ADAMTS9: variants seen among roughly 807,000 people sequenced by gnomAD.
ADAMTS9 encodes ADAM metallopeptidase with thrombospondin type 1 motif 9.
Under a neutral mutation model 257.1 loss-of-function variants are expected in ADAMTS9, and 107 were observed. The observed-to-expected ratio is 0.42, with a 90% CI of 0.36 to 0.49. ADAMTS9 has a LOEUF of 0.49. Ranked by LOEUF, ADAMTS9 falls within the 20% of genes least tolerant of loss-of-function variation. The probability of loss-of-function intolerance (pLI) is 0.03; values close to 1 mark genes in which losing one functional copy is unlikely to be tolerated. For missense variants in ADAMTS9, 2,353 were observed against 2,469.1 expected (o/e 0.95, Z 1.00); for synonymous variants, 982 against 880.9 (o/e 1.11, Z -2.03).
chr3:64,591,767 C>G (rs1223537114), intron 28 of ADAMTS9, among the ~76,000 whole-genome samples: 1 of 152,206 alleles, frequency 6.6e-6, no homozygotes, highest in Admixed American at 6.5e-5. Flanking sequence ...CACACAGCAG[C>G]AGTTGCTTCT....
At chr3:64,536,132 T>G (rs1489576132) in intron 37 of ADAMTS9, among the ~76,000 whole-genome samples, 1 of 152,110 alleles carries the variant, frequency 6.6e-6, no homozygotes, top group African/African-American at 2.4e-5. Flanking sequence ...AATATATACG[T>G]CTACTAAGTC....
In ADAMTS9 at chr3:64,648,025, C is replaced by T; in HGVS notation, c.1625G>A (p.Trp542Ter). 6.2e-7 allele frequency: 1 copy of T among 1,612,838 alleles called. No homozygotes were observed. Among genetic ancestry groups the T allele is most frequent in the Non-Finnish European group, 8.5e-7 (1 of 1,179,888 alleles). The change falls in exon 11 of 40, where the codon TGG becomes TAG. Residue 542 changes from tryptophan (W) to a stop codon, truncating the protein, a stop_gained. Transcript: ENST00000498707. LOFTEE classifies it high-confidence loss of function. Reference sequence around the variant, plus strand: ...GTGTACTCCATTGACGTTATTGCACCAGAGCCGTCTGCACTGCATCTGCTC... The same window carrying T: ...GTGTACTCCATTGACGTTATTGCACTAGAGCCGTCTGCACTGCATCTGCTC... ...CPYMMQCRRLWCNNVNGVHKG... is the reference protein window; with the variant it reads ...CPYMMQCRRL
chr3:64,620,017 T>G (rs77098815), intron 19 of ADAMTS9, among the ~76,000 whole-genome samples: 1 of 142,454 alleles, frequency 7.0e-6, no homozygotes, highest in African/African-American at 2.6e-5. Context: ...TGTCTTCCTG[T>G]TTTTTTTTTT....
intron 27 of ADAMTS9, among the ~76,000 whole-genome samples, chr3:64,595,633 A>G (rs1409114430): frequency 1.3e-5 from 2 of 152,176 alleles, no homozygotes; most frequent in East Asian, 3.8e-4. Flanking sequence ...TTTCCCTTCA[A>G]CAAAGCTCTC....
intron 15 of ADAMTS9, 102 bp from the exon 16 acceptor site, chr3:64,631,652 T>C (rs1700370149): frequency 1.6e-6 from 2 of 1,228,460 alleles, no homozygotes; most frequent in East Asian, 2.3e-5. Flanking sequence ...ATAATTCTCA[T>C]ATAATTCTAT....
chr3:64,682,888 G>T (rs1422288599), intron 2 of ADAMTS9, among the ~76,000 whole-genome samples: 2 of 152,144 alleles, frequency 1.3e-5, no homozygotes, highest in African/African-American at 4.8e-5. Flanking sequence ...TGCCTGGGAA[G>T]GTTTTTTGTT....
Position 64,533,113 on chromosome 3 carries a change from G to C in ADAMTS9, c.5718+53C>G. Reference sequence around the variant, plus strand: ...ACCACTACCACAGTAATAAAGACAAGAACGAAAGAAAGAAATAAAAATTCA... The same window carrying C: ...ACCACTACCACAGTAATAAAGACAACAACGAAAGAAAGAAATAAAAATTCA... On this transcript the variant is annotated intron_variant, in intron 38 of 39. Transcript: ENST00000498707. The C allele has an allele frequency of 4.0e-6, 6 of 1,506,434 alleles. No individual in the cohort carries two copies. In the South Asian group the frequency reaches 5.8e-5, roughly 15 times the overall value. The allele number at this position is 1,506,434 out of a possible 1,614,324, so 93.3% of individuals were successfully genotyped here.
chr3:64,687,553 G>A lies in ADAMTS9; in HGVS notation c.105C>T (p.His35=). 6.5e-7 allele frequency: 1 copy of A among 1,547,878 alleles called. No individual in the cohort carries two copies. The highest frequency in any genetic ancestry group is 8.7e-7 in the Non-Finnish European group (1 of 1,146,540). Residue 35 remains histidine (H), a synonymous_variant, in exon 1 of 40, where the codon CAC becomes CAT. Transcript: ENST00000498707. The surrounding 1 kb of genome is among the most constrained non-coding windows in gnomAD (Gnocchi z 4.4). The part of the protein sequence containing the change: ...AAAAVRKDRL[H]PRQVKLLETL... ...CCGGAGCCTGGTTACCTTGCCTCGG[G>A]TGCAGCCTGTCCTTGCGCACGGCCG...
chr3:64,624,824 G>C (rs968948383), intron 16 of ADAMTS9, among the ~76,000 whole-genome samples: 2 of 152,092 alleles, frequency 1.3e-5, no homozygotes, highest in Admixed American at 6.6e-5. Context: ...AATTTCTCAA[G>C]ATAAAATCTC....
intron 3 of ADAMTS9, among the ~76,000 whole-genome samples, chr3:64,668,099 C>T (rs544537014): frequency 3.3e-5 from 5 of 152,322 alleles, no homozygotes; most frequent in Non-Finnish European, 5.9e-5. Flanking sequence ...TGCCCACAGA[C>T]ACCCTGTCCT....
chr3:64,685,591 T>C (rs1559828124), intron 2 of ADAMTS9, among the ~76,000 whole-genome samples: 1 of 151,988 alleles, frequency 6.6e-6, no homozygotes, highest in African/African-American at 2.4e-5. Context: ...CGTGGAGAAG[T>C]GGGGGGCAGA....
intron 28 of ADAMTS9, among the ~76,000 whole-genome samples, chr3:64,574,007 C>A: frequency 6.6e-6 from 1 of 152,162 alleles, no homozygotes; most frequent in South Asian, 2.1e-4. Flanking sequence ...TGTAGTCAGT[C>A]AGCAAATATT....
intron 10 of ADAMTS9, among the ~76,000 whole-genome samples, chr3:64,648,571 T>G (rs1382348363): frequency 6.6e-6 from 1 of 152,210 alleles, no homozygotes; most frequent in Non-Finnish European, 1.5e-5. Context: ...TTTTTTATCT[T>G]TCCTAATTAT....
intron 3 of ADAMTS9, 142 bp from the exon 4 acceptor site, chr3:64,658,933 C>T (rs995151534): frequency 2.4e-6 from 2 of 824,798 alleles, no homozygotes; most frequent in Admixed American, 5.5e-5. Flanking sequence ...TACAGATGCA[C>T]CTCAATCCGT....
intron 25 of ADAMTS9, among the ~76,000 whole-genome samples, chr3:64,602,609 TGAACAAGCCAA>T (rs2084485992): frequency 6.6e-6 from 1 of 152,190 alleles, no homozygotes; most frequent in Non-Finnish European, 1.5e-5. Context: ...TGATGCTTCC[TGAACAAGCCAA>T]GAACACTTCC....
intron 3 of ADAMTS9, among the ~76,000 whole-genome samples, chr3:64,671,805 T>C (rs1236928249): frequency 6.6e-6 from 1 of 152,132 alleles, no homozygotes; most frequent in Non-Finnish European, 1.5e-5. Context: ...GCACAGAACA[T>C]CCATGCAGAT....
chr3:64,605,229 C>A (rs2084535327), intron 23 of ADAMTS9, among the ~76,000 whole-genome samples: 1 of 152,056 alleles, frequency 6.6e-6, no homozygotes. Context: ...ATGGTGGGAG[C>A]CATCCCATAG....
intron 16 of ADAMTS9, 147 bp from the exon 17 acceptor site, chr3:64,622,733 T>A (rs1282700484): frequency 1.3e-6 from 1 of 758,076 alleles, no homozygotes; most frequent in African/African-American, 1.8e-5. Flanking sequence ...AGTCCCAAGT[T>A]TGCTACTTGC....
intron 3 of ADAMTS9, among the ~76,000 whole-genome samples, chr3:64,676,377 G>T (rs12631904): frequency 0.28 from 43,130 of 151,904 alleles, 6,384 homozygotes; most frequent in Admixed American, 0.37. Flanking sequence ...AACATGCAAA[G>T]GAGTCACAAA....
Sources: allele counts gnomAD v4.1 joint callset (sites outside exome capture counted in the v4.1 genomes callset), GRCh38; gene constraint gnomAD v4.1.1; non-coding constraint Gnocchi (gnomAD v3.1); transcripts MANE v1.5; gene names NCBI Gene and HGNC (gene_info 2026-07-23, HGNC 2026-07-21).